The following ACTR3C variants were observed in gnomAD, a reference collection of about 807,000 sequenced individuals.
The protein encoded by ACTR3C is actin related protein 3C.
In ACTR3C, 18 loss-of-function variants were observed where a neutral mutation model predicts 26.3. That is an observed-to-expected ratio of 0.68 (90% CI 0.47 to 1.01). ACTR3C has a LOEUF of 1.01. Among genes scored for constraint, ACTR3C ranks in the 50% least tolerant of loss-of-function variants. The pLI is 0.00. For synonymous variants in ACTR3C, 55 were observed against 94.5 expected, an observed-to-expected ratio of 0.58 and a Z score of 2.42; for missense variants, 184 against 250.7, an observed-to-expected ratio of 0.73 and a Z score of 1.80.
the ACTR3C span, among the ~76,000 whole-genome samples, chr7:150,095,431 G>A: frequency 1.3e-5 from 2 of 150,722 alleles, no homozygotes; most frequent in South Asian, 2.1e-4. Context: ...ATTCCATAAG[G>A]CTAGAGCAAA....
downstream of ACTR3C, among the ~76,000 whole-genome samples, chr7:150,239,375 C>T (rs1344532969): frequency 1.4e-5 from 2 of 145,686 alleles, no homozygotes; most frequent in Non-Finnish European, 3.0e-5. Flanking sequence ...TCAATATACA[C>T]ACCATCACAC....
At chr7:150,110,919 T>G in the ACTR3C span, among the ~76,000 whole-genome samples, 1 of 148,170 alleles carries the variant, frequency 6.7e-6, no homozygotes. Flanking sequence ...GGCAGGACTG[T>G]CAGGTCAGGG....
the ACTR3C span, among the ~76,000 whole-genome samples, chr7:150,089,335 G>C: frequency 1.3e-5 from 2 of 152,186 alleles, no homozygotes; most frequent in Non-Finnish European, 2.9e-5. Flanking sequence ...CCAGCTGAAA[G>C]GACAGATTCT....
chr7:149,967,174 A>G, the ACTR3C span, among the ~76,000 whole-genome samples: 4 of 151,616 alleles, frequency 2.6e-5, no homozygotes, highest in Non-Finnish European at 4.4e-5. Context: ...AGCTGGGACT[A>G]CAGGTGCCCA....
chr7:149,942,290 T>C, the ACTR3C span, among the ~76,000 whole-genome samples: 495 of 152,302 alleles, frequency 3.3e-3, 3 homozygotes, highest in African/African-American at 0.011. Context: ...AGCTCTAAAA[T>C]GGGCTTCAAC....
At chr7:150,044,472 A>G in the ACTR3C span, among the ~76,000 whole-genome samples, 1 of 152,120 alleles carries the variant, frequency 6.6e-6, no homozygotes. Flanking sequence ...TTGAAGTCAG[A>G]CTTTGCATGT....
intron 3 of ACTR3C, among the ~76,000 whole-genome samples, chr7:150,292,733 G>A (rs1836372728): frequency 1.3e-5 from 2 of 152,206 alleles, no homozygotes; most frequent in South Asian, 4.1e-4. Flanking sequence ...CCGACCTCAG[G>A]TGATCCGCCC....
chr7:150,293,812 T>G (rs1375723338), intron 2 of ACTR3C, among the ~76,000 whole-genome samples: 1 of 152,214 alleles, frequency 6.6e-6, no homozygotes, highest in African/African-American at 2.4e-5. Context: ...GACACGCACC[T>G]GTACTCCCAG....
At chr7:150,079,662 C>T in the ACTR3C span, among the ~76,000 whole-genome samples, 1 of 152,192 alleles carries the variant, frequency 6.6e-6, no homozygotes, top group Non-Finnish European at 1.5e-5. Context: ...ATGTGGACCA[C>T]AGCTTCCTGG....
chr7:150,010,844 G>A, the ACTR3C span, among the ~76,000 whole-genome samples: 1 of 147,402 alleles, frequency 6.8e-6, no homozygotes, highest in African/African-American at 2.5e-5. Flanking sequence ...GAAAGGGGTT[G>A]TGTCTGAGGG....
At chr7:150,226,426 TTTGTTG>T in the ACTR3C span, among the ~76,000 whole-genome samples, 1 of 152,068 alleles carries the variant, frequency 6.6e-6, no homozygotes, top group Non-Finnish European at 1.5e-5. Flanking sequence ...CTCATTGCTT[TTTGTTG>T]TTGTTGTTGT....
the ACTR3C span, among the ~76,000 whole-genome samples, chr7:150,214,495 G>A: frequency 2.0e-5 from 3 of 151,676 alleles, no homozygotes; most frequent in African/African-American, 7.3e-5. Context: ...ATGTGAAGAT[G>A]GAACCACAGA....
the ACTR3C span, among the ~76,000 whole-genome samples, chr7:150,127,322 G>GA: frequency 0.18 from 27,413 of 151,874 alleles, 2,704 homozygotes; most frequent in Non-Finnish European, 0.23. Flanking sequence ...ATAGGAAAAA[G>GA]AAAATGGATG....
chr7:150,123,869 C>A, the ACTR3C span, among the ~76,000 whole-genome samples: 1 of 152,160 alleles, frequency 6.6e-6, no homozygotes, highest in South Asian at 2.1e-4. Context: ...CAATGGCTCA[C>A]CCCGACCCTG....
intron 6 of ACTR3C, among the ~76,000 whole-genome samples, chr7:150,275,275 T>C (rs1376947390): frequency 1.3e-5 from 2 of 152,216 alleles, no homozygotes. Context: ...CAAATCATGT[T>C]TTTAAAGAAT....
At chr7:150,271,510 T>A (rs1834448183) in intron 6 of ACTR3C, among the ~76,000 whole-genome samples, 1 of 150,650 alleles carries the variant, frequency 6.6e-6, no homozygotes, top group Admixed American at 6.6e-5. Flanking sequence ...GCAAAGGACA[T>A]GAACTCATCC....
chr7:150,126,377 C>A, the ACTR3C span, among the ~76,000 whole-genome samples: 1 of 152,174 alleles, frequency 6.6e-6, no homozygotes, highest in Non-Finnish European at 1.5e-5. Flanking sequence ...ATCATCTAAC[C>A]CAAACACTTC....
At chr7:150,087,201 A>AAAAAAAAG in the ACTR3C span, among the ~76,000 whole-genome samples, 1 of 140,382 alleles carries the variant, frequency 7.1e-6, no homozygotes, top group Non-Finnish European at 1.6e-5. Flanking sequence ...AAAAAAAAAA[A>AAAAAAAAG]AAAGAAACTT....
chr7:150,116,440 T>C, the ACTR3C span, among the ~76,000 whole-genome samples: 1 of 152,224 alleles, frequency 6.6e-6, no homozygotes, highest in Admixed American at 6.5e-5. Flanking sequence ...TATTGTCTTG[T>C]GTACATGTTT....
Sources: allele counts gnomAD v4.1 joint callset (sites outside exome capture counted in the v4.1 genomes callset), GRCh38; gene constraint gnomAD v4.1.1; transcripts MANE v1.5; gene names NCBI Gene and HGNC (gene_info 2026-07-23, HGNC 2026-07-21).